PAFAH1B1: variants seen among roughly 807,000 people sequenced by gnomAD.
PAFAH1B1 encodes platelet activating factor acetylhydrolase 1b regulatory subunit 1, also known as platelet-activating factor acetylhydrolase IB subunit beta.
Under a neutral mutation model 57.5 loss-of-function variants are expected in PAFAH1B1, and 2 were observed. That is an observed-to-expected ratio of 0.03 (90% CI 0.01 to 0.11). The LOEUF is 0.11. Ranked by LOEUF, PAFAH1B1 falls within the 10% of genes least tolerant of loss-of-function variation. The pLI is 1.00. For missense variants in PAFAH1B1, 257 were observed against 512.0 expected (o/e 0.50, Z 4.81); for synonymous variants, 152 against 169.6 (o/e 0.90, Z 0.81).
intron 1 of PAFAH1B1, among the ~76,000 whole-genome samples, chr17:2,627,662 G>A (rs2068509498): frequency 1.3e-5 from 2 of 152,118 alleles, no homozygotes; most frequent in South Asian, 4.1e-4. Context: ...TGTTGAATTT[G>A]TAGATTGCTT....
intron 6 of PAFAH1B1, 133 bp downstream of exon 6, chr17:2,670,464 T>TA: frequency 1.1e-6 from 1 of 896,092 alleles, no homozygotes; most frequent in Non-Finnish European, 1.8e-6. Flanking sequence ...GCATACCATG[T>TA]AGATAGTCCA....
chr17:2,632,819 A>G (rs897575590), intron 1 of PAFAH1B1, among the ~76,000 whole-genome samples: 1 of 152,142 alleles, frequency 6.6e-6, no homozygotes, highest in Non-Finnish European at 1.5e-5. Flanking sequence ...TTTATCAGGG[A>G]TATGAGCAAC....
chr17:2,661,462 A>C (rs543320184), intron 2 of PAFAH1B1, among the ~76,000 whole-genome samples: 6 of 152,260 alleles, frequency 3.9e-5, no homozygotes, highest in Middle Eastern at 3.4e-3. Flanking sequence ...GTTGAAGATC[A>C]GATGTTTGTA....
In PAFAH1B1 at chr17:2,638,158, G is replaced by T. The variant is rs1379725688; in HGVS notation, c.-131G>T. On this transcript the variant is annotated 5_prime_UTR_variant, in exon 2 of 11. Transcript: ENST00000397195. ...TTACTAGTTGGATTCATTTGTGAAA[G>T]AATCATTTTCCCCTGTGTGGAAGAC... The T allele has an allele frequency of 4.6e-6, 3 of 658,718 alleles. No individual in the cohort carries two copies. Among genetic ancestry groups the T allele is most frequent in the Admixed American group, 2.8e-5 (1 of 35,226 alleles). The allele number at this position is 658,718 out of a possible 1,614,324, so 40.8% of individuals were successfully genotyped here. A position where few individuals can be genotyped will look rare whatever the true frequency, so the allele number is the denominator to read the frequency against.
rs1233131042 is a variant in PAFAH1B1, at chr17:2,683,545, G to A, written c.*1743G>A. On this transcript the variant is annotated 3_prime_UTR_variant, in exon 11 of 11. Transcript: ENST00000397195. The stretch of plus-strand genomic sequence containing the variant: ...GTATATTAACTAGAAGCAGCTTTAT[G>A]TCTAGCTTGTGTCTTTTTGTTTGTT... The A allele has an allele frequency of 6.6e-6, 1 of 152,214 alleles. No homozygotes were observed. Among genetic ancestry groups the A allele is most frequent in the African/African-American group, 2.4e-5 (1 of 41,458 alleles). 9.4% of individuals were successfully genotyped at this position (152,214 alleles called of 1,614,324 possible). A position where few individuals can be genotyped will look rare whatever the true frequency, so the allele number is the denominator to read the frequency against.
At position 2,685,194 on chromosome 17, in the gene PAFAH1B1, T is replaced by TA. The variant is rs1411207995; in HGVS notation, c.*3393dup. On this transcript the variant is annotated 3_prime_UTR_variant, in exon 11 of 11. Coordinates refer to ENST00000397195, the MANE Select transcript of PAFAH1B1 (RefSeq NM_000430.4). ...GGGTGGGGGGAGGGCAAGCTGGATT[T>TA]ACAGGTCACGGCTGGACTGAATGGG... The TA allele has an allele frequency of 2.0e-5, 3 of 151,882 alleles. No individual in the cohort carries two copies. The highest frequency in any genetic ancestry group is 7.3e-5 in the African/African-American group (3 of 41,342). 9.4% of individuals were successfully genotyped at this position (151,882 alleles called of 1,614,324 possible).
chr17:2,613,944 G>C (rs2068302465), intron 1 of PAFAH1B1: 1 of 186,324 alleles, frequency 5.4e-6, no homozygotes, highest in Admixed American at 6.2e-5. Context: ...AGCAAGAGGG[G>C]GCGGCTGTGG....
intron 1 of PAFAH1B1, chr17:2,613,298 G>T (rs2068289287): frequency 4.6e-6 from 1 of 217,618 alleles, no homozygotes; most frequent in Admixed American, 4.7e-5. Context: ...AGGCTGGGAA[G>T]GGTCTGGGGG....
At chr17:2,676,272 G>A in intron 8 of PAFAH1B1, 1 of 455,718 alleles carries the variant, frequency 2.2e-6, no homozygotes. Flanking sequence ...CATCTACTTG[G>A]GAGGCTGAGG....
At chr17:2,608,337 G>T (rs1001608958) in intron 1 of PAFAH1B1, among the ~76,000 whole-genome samples, 2 of 152,190 alleles carry the variant, frequency 1.3e-5, no homozygotes, top group Non-Finnish European at 2.9e-5. Context: ...ACTGGCCTCA[G>T]CCTCTCAAAG....
At chr17:2,649,480 A>G (rs2068819865) in intron 2 of PAFAH1B1, among the ~76,000 whole-genome samples, 1 of 152,000 alleles carries the variant, frequency 6.6e-6, no homozygotes, top group African/African-American at 2.4e-5. Flanking sequence ...AGGCTGAGGC[A>G]GGAGGATCGC....
At chr17:2,594,088 C>T (rs986648867) in intron 1 of PAFAH1B1, 82 bp downstream of exon 1, 4 of 396,816 alleles carry the variant, frequency 1.0e-5, no homozygotes, top group Non-Finnish European at 1.3e-5. Context: ...GGCGGCCTGA[C>T]GATGTGGCTG....
chr17:2,672,618 A>G (rs1000546292), intron 6 of PAFAH1B1, 37 bp from the exon 7 acceptor site: 8 of 1,324,050 alleles, frequency 6.0e-6, no homozygotes, highest in Non-Finnish European at 5.5e-6. Flanking sequence ...TCTTGGTGGT[A>G]TATTACTTCA....
chr17:2,616,258 C>T (rs778051831), intron 1 of PAFAH1B1, among the ~76,000 whole-genome samples: 2 of 152,048 alleles, frequency 1.3e-5, no homozygotes, highest in Admixed American at 6.6e-5. Flanking sequence ...ATATTAATAA[C>T]GGTTCTATAT....
At chr17:2,619,288 A>AGG (rs2068388472) in intron 1 of PAFAH1B1, among the ~76,000 whole-genome samples, 1 of 152,022 alleles carries the variant, frequency 6.6e-6, no homozygotes, top group African/African-American at 2.4e-5. Flanking sequence ...GGTAGCTGGG[A>AGG]CCTAAGTATG....
chr17:2,665,561 C>A, intron 3 of PAFAH1B1, 105 bp downstream of exon 3: 1 of 693,820 alleles, frequency 1.4e-6, no homozygotes, highest in South Asian at 1.6e-5. Flanking sequence ...TTATTGTGGT[C>A]TACTTGGTAC....
intron 1 of PAFAH1B1, among the ~76,000 whole-genome samples, chr17:2,612,397 G>A (rs1011172847): frequency 2.6e-5 from 4 of 151,562 alleles, no homozygotes; most frequent in Non-Finnish European, 5.9e-5. Context: ...TAGTAGAGAC[G>A]AGGTTTTGCC....
chr17:2,616,997 C>G (rs976852824), intron 1 of PAFAH1B1, among the ~76,000 whole-genome samples: 2 of 151,924 alleles, frequency 1.3e-5, no homozygotes, highest in Admixed American at 6.6e-5. Flanking sequence ...GGTGTGAACC[C>G]GGGAGGCAGA....
intron 2 of PAFAH1B1, chr17:2,640,496 G>A (rs1485878587): frequency 6.7e-6 from 1 of 148,444 alleles, no homozygotes; most frequent in African/African-American, 2.5e-5. Flanking sequence ...CTGTCACTCG[G>A]GCTGGAGTGC....
Sources: allele counts gnomAD v4.1 joint callset (sites outside exome capture counted in the v4.1 genomes callset), GRCh38; gene constraint gnomAD v4.1.1; transcripts MANE v1.5; gene names NCBI Gene and HGNC (gene_info 2026-07-23, HGNC 2026-07-21).